Variants in MIB2 observed in about 807,000 individuals in gnomAD.
The protein encoded by MIB2 is MIB E3 ubiquitin protein ligase 2.
MIB2 carries 78 observed loss-of-function variants against 96.6 expected under a neutral mutation model. The ratio of observed to expected loss-of-function variants is 0.81; its 90% CI spans 0.67 to 0.97. The LOEUF is 0.97. MIB2 is among the 50% of genes least tolerant of loss of function. The pLI, the probability that MIB2 is intolerant of heterozygous loss-of-function variation, is 0.00. For synonymous variants in MIB2, 820 were observed against 629.5 expected (o/e 1.30, Z -4.53); for missense variants, 1,543 against 1,424.0 (o/e 1.08, Z -1.35).
chr1:1,629,521 C>G lies in MIB2; in HGVS notation c.2518C>G (p.Leu840Val), dbSNP rs767188358. 23 of 1,540,048 alleles carry G rather than the reference C, an allele frequency of 1.5e-5. No individual in the cohort carries two copies. Among genetic ancestry groups the G allele is most frequent in the Non-Finnish European group, 1.9e-5 (22 of 1,147,290 alleles). Residue 840 changes from leucine to valine, a missense_variant, in exon 18 of 20, where the codon CTG (leucine) becomes GTG (valine). By Grantham distance (32) the Leu-to-Val change is conservative. Transcript: ENST00000355826. ...GTGCCTGGTGTGCTCCGAGCTGGCG[C>G]TGCTGGTGCTGTTCTCGCCGTGCCA... The part of the protein sequence containing the change: ...AECLVCSELA[L>V]LVLFSPCQHR...
chr1:1,625,982 T>G lies in MIB2; in HGVS notation c.972+329T>G. ...GCTAAGATGCTCCTGGTTAGTGCTGTATGGGGGCCGATGGGGGTGGCTGGT... is the reference window on the plus strand; with the variant it reads ...GCTAAGATGCTCCTGGTTAGTGCTGGATGGGGGCCGATGGGGGTGGCTGGT... On this transcript the variant is annotated intron_variant, in intron 8 of 19. Coordinates refer to ENST00000355826, the MANE Select transcript of MIB2 (RefSeq NM_001170687.4). The surrounding 1 kb of genome is among the most constrained non-coding windows in gnomAD (Gnocchi z 5.0). 2.9e-6 allele frequency: 1 copy of G among 339,098 alleles called. No homozygotes were observed. The highest frequency in any genetic ancestry group is 5.4e-6 in the Non-Finnish European group (1 of 184,012). 21.0% of individuals were successfully genotyped at this position (339,098 alleles called of 1,614,324 possible).
chr1:1,627,304 C>T lies in MIB2; in HGVS notation c.1383C>T (p.Thr461=). The T allele has an allele frequency of 6.2e-7, 1 of 1,613,210 alleles. No individual in the cohort carries two copies. Among genetic ancestry groups the T allele is most frequent in the East Asian group, 2.2e-5 (1 of 44,876 alleles). ...GCTGGCACTCTTGGCAGGTGGACAC[C>T]AAGAACCAAGGCAGGACCGCTCTGC... ...LLRRRPEQVD[T]KNQGRTALQV... is the part of the protein sequence containing the mutation. Residue 461 remains threonine, a synonymous_variant, in exon 12 of 20, where the codon ACC becomes ACT. Transcript: ENST00000355826.
At position 1,625,076 on chromosome 1, in the gene MIB2, T is replaced by C. The variant is rs532192492; in HGVS notation, c.612T>C (p.Ala204=). 2.7e-5 allele frequency: 43 copies of C among 1,613,300 alleles called. No individual in the cohort carries two copies. In the African/African-American group the frequency reaches 5.3e-4, roughly 20 times the overall value. Residue 204 remains alanine, a synonymous_variant, in exon 6 of 20, where the codon GCT becomes GCC. Coordinates refer to ENST00000355826, the MANE Select transcript of MIB2 (RefSeq NM_001170687.4). The surrounding 1 kb of genome is among the most constrained non-coding windows in gnomAD (Gnocchi z 5.0). ...GGAGTGTGGCCAGCGTGACGTGGGC[T>C]GATGGTACCACCAATGTGTACCGTG... is the stretch of plus-strand genomic sequence containing the variant. The part of the protein sequence containing the change: ...TGRSVASVTW[A]DGTTNVYRVG...
At chr1:1,622,742 C>T (rs1644371612) in intron 2 of MIB2, among the ~76,000 whole-genome samples, 2 of 152,308 alleles carry the variant, frequency 1.3e-5, no homozygotes, top group South Asian at 4.1e-4. Flanking sequence ...TGGCCAGGGC[C>T]ACTTTTCCAG....
intron 1 of MIB2, 87 bp from the exon 2 acceptor site, chr1:1,616,421 C>T (rs2100289150): frequency 1.0e-6 from 1 of 970,516 alleles, no homozygotes; most frequent in South Asian, 1.8e-5. Context: ...GGACCTGGAG[C>T]CGGCGGGCAG....
intron 11 of MIB2, 32 bp from the exon 12 acceptor site, chr1:1,627,264 G>A (rs1406439159): frequency 6.8e-6 from 11 of 1,613,060 alleles, no homozygotes; most frequent in South Asian, 3.3e-5. Flanking sequence ...GGGGCAGAGG[G>A]CCAGGGACTC....
At position 1,622,959 on chromosome 1, in the gene MIB2, C is replaced by T. The variant is rs147881606; in HGVS notation, c.-22-472C>T. The stretch of plus-strand genomic sequence containing the variant: ...TTTCGTGTGGATCATAGGAGTTCCT[C>T]GCCCTGTGTGGACACGAGTCCTCTG... On this transcript the variant is annotated intron_variant, in intron 2 of 19. Transcript: ENST00000355826. Among the ~76,000 whole-genome samples the T allele has an allele frequency of 1.9e-3, 287 of 152,104 alleles. 1 individual carries two copies. Among genetic ancestry groups the T allele is most frequent in the African/African-American group, 6.4e-3 (267 of 41,494 alleles).
chr1:1,628,609 G>C lies in MIB2; in HGVS notation c.2089G>C (p.Glu697Gln). The C allele has an allele frequency of 6.3e-7, 1 of 1,598,684 alleles. No homozygotes were observed. Among genetic ancestry groups the C allele is most frequent in the Non-Finnish European group, 8.5e-7 (1 of 1,176,742 alleles). ...LVDAGCSVNA[E>Q]DEEGDTALHV... ...GGACGCTGGGTGCAGTGTCAACGCC[G>C]AGGACGAGGAGGGGGACACAGCCCT... Residue 697 changes from glutamate (E) to glutamine (Q), a missense_variant, in exon 16 of 20, where the codon GAG becomes CAG. Coordinates refer to ENST00000355826, the MANE Select transcript of MIB2 (RefSeq NM_001170687.4).
upstream of MIB2, chr1:1,614,689 G>A (rs753354967): frequency 6.6e-6 from 1 of 152,318 alleles, no homozygotes; most frequent in Non-Finnish European, 1.5e-5. Context: ...CAGGTTCTCA[G>A]GGACCTTCTC....
In MIB2 at chr1:1,628,723, G is replaced by A; in HGVS notation, c.2202+1G>A. On this transcript the variant is annotated splice_donor_variant, in intron 16 of 19. Coordinates refer to ENST00000355826, the MANE Select transcript of MIB2 (RefSeq NM_001170687.4). LOFTEE classifies it high-confidence loss of function. ...AGGGCCCTTGCAGCTGCTGTCCAGG[G>A]TGAGGAAGTGTGGCGTGGGGTGCTG... 1 of 1,530,828 alleles carries A rather than the reference G, an allele frequency of 6.5e-7. No homozygotes were observed. The highest frequency in any genetic ancestry group is 8.8e-7 in the Non-Finnish European group (1 of 1,136,826). 94.8% of individuals were successfully genotyped at this position (1,530,828 alleles called of 1,614,324 possible).
rs373689729 is a variant in MIB2 at position 1,628,434 on chromosome 1, G to A, written c.1968+35G>A. ...CGGCCCAGTCCTGCCCAAGGACCGG[G>A]GAGCGGGAGGCCCACTGGGGTCCCT... On this transcript the variant is annotated intron_variant, in intron 15 of 19. Transcript: ENST00000355826. The A allele has an allele frequency of 4.2e-4, 670 of 1,602,696 alleles. 5 individuals are homozygous for A. The African/African-American group carries it at 7.5e-3, about 18-fold the overall frequency.
chr1:1,618,408 A>C (rs1036882313), intron 2 of MIB2: 1 of 152,450 alleles, frequency 6.6e-6, no homozygotes, highest in Admixed American at 6.5e-5. Flanking sequence ...CCTTGGGGGA[A>C]CATCTGTCCT....
rs1456569727 is a variant in MIB2, at chr1:1,624,835, C to A, written c.460C>A (p.Leu154Ile). ...CCGCCAGGGCCTCCCGAGGATCCCA[C>A]TAAGGGGCATCTTCCAGGGAGCGAA... ...SPRQGLPRIP[L>I]RGIFQGAKVV... Residue 154 changes from leucine to isoleucine, a missense_variant, in exon 5 of 20, where the codon CTA becomes ATA. By Grantham distance (5) the Leu-to-Ile change is conservative. Transcript: ENST00000355826. The A allele has an allele frequency of 1.9e-6, 3 of 1,613,148 alleles. No homozygotes were observed. Among genetic ancestry groups the A allele is most frequent in the Non-Finnish European group, 2.5e-6 (3 of 1,180,000 alleles).
chr1:1,617,203 A>T (rs1400430443), intron 2 of MIB2: 3 of 152,984 alleles, frequency 2.0e-5, no homozygotes, highest in African/African-American at 7.2e-5. Flanking sequence ...CGTGCCACAC[A>T]CAGCGGCATT....
rs1324699040 is a variant in MIB2 at position 1,628,602 on chromosome 1, C to T, written c.2082C>T (p.Val694=). The T allele has an allele frequency of 1.9e-6, 3 of 1,600,144 alleles. No individual in the cohort carries two copies. The highest frequency in any genetic ancestry group is 4.5e-5 in the East Asian group (2 of 44,570). ...VPLLVDAGCS[V]NAEDEEGDTA... ...TACTGGTGGACGCTGGGTGCAGTGT[C>T]AACGCCGAGGACGAGGAGGGGGACA... The change falls in exon 16 of 20, where the codon GTC becomes GTT. Residue 694 remains valine (V), a synonymous_variant. Transcript: ENST00000355826.
intron 3 of MIB2, 28 bp from the exon 4 acceptor site, chr1:1,623,746 C>A: frequency 1.3e-6 from 2 of 1,542,742 alleles, no homozygotes; most frequent in South Asian, 1.3e-5. Context: ...GGGGCGGGAA[C>A]GCCCCTCTGA....
rs770073380 is a variant in MIB2 at position 1,625,599 on chromosome 1, C to T, written c.918C>T (p.Arg306=). The change falls in exon 8 of 20, where the codon CGC becomes CGT. Residue 306 remains arginine, a synonymous_variant. Transcript: ENST00000355826. This position sits in a 1 kb window ranked among gnomAD's most constrained non-coding sequence, Gnocchi z 5.0. ...VHRITDRGDV[R]VQFNHETRWT... ...GTATCACGGACCGCGGGGACGTGCG[C>T]GTGCAGTTCAACCACGAGACGCGCT... 157 of 1,582,420 alleles carry T rather than the reference C, an allele frequency of 9.9e-5. No homozygotes were observed. The highest frequency in any genetic ancestry group is 1.3e-4 in the Non-Finnish European group (146 of 1,165,022).
In MIB2 at chr1:1,616,598, A is replaced by C; in HGVS notation, c.-39A>C. The stretch of plus-strand genomic sequence containing the variant: ...GAGCCTCAAGGCGGCCCGGCGGGCG[A>C]CTGGACGGCCGGACAGGTGAGCTCT... On this transcript the variant is annotated 5_prime_UTR_variant, in exon 2 of 20. Coordinates refer to ENST00000355826, the MANE Select transcript of MIB2 (RefSeq NM_001170687.4). The C allele has an allele frequency of 6.3e-7, 1 of 1,597,290 alleles. No individual in the cohort carries two copies.
In MIB2 at chr1:1,623,787, C is replaced by G. The variant is rs1045750315; in HGVS notation, c.261C>G (p.Pro87=). 1.9e-6 allele frequency: 3 copies of G among 1,604,164 alleles called. No homozygotes were observed. Among genetic ancestry groups the G allele is most frequent in the Non-Finnish European group, 2.6e-6 (3 of 1,176,302 alleles). The change falls in exon 4 of 20, where the codon CCC becomes CCG. Residue 87 remains proline, a synonymous_variant. Transcript: ENST00000355826. ...YDNAQIGVRH[P]NIICDCCKKH... ...CCCCACCCCCAGGCGTCCGGCACCC[C>G]AACATCATCTGTGACTGCTGCAAGA...
Sources: gnomAD v4.1 joint callset for allele counts (sites outside exome capture counted in the v4.1 genomes callset) on GRCh38, gnomAD v4.1.1 for gene constraint, Gnocchi (gnomAD v3.1) non-coding constraint, MANE v1.5 for transcripts, NCBI Gene and HGNC (gene_info 2026-07-23, HGNC 2026-07-21) for gene names.